PLEKHG4B: variants seen among roughly 807,000 people sequenced by gnomAD.
The protein encoded by PLEKHG4B is pleckstrin homology domain-containing family G member 4B.
A neutral mutation model predicts 121.3 loss-of-function variants in PLEKHG4B; 111 were observed. That is an observed-to-expected ratio of 0.92 (90% confidence interval 0.78 to 1.07). The LOEUF is 1.07. PLEKHG4B is among the 50% of genes least tolerant of loss of function. The pLI, the probability that PLEKHG4B is intolerant of heterozygous loss-of-function variation, is 0.00. For synonymous variants in PLEKHG4B, 738 were observed against 725.0 expected (o/e 1.02, Z -0.29); for missense variants, 1,831 against 1,757.8 (o/e 1.04, Z -0.74).
intron 2 of PLEKHG4B, among the ~76,000 whole-genome samples, chr5:135,577 A>T (rs1418836927): frequency 6.8e-6 from 1 of 147,570 alleles, no homozygotes; most frequent in Non-Finnish European, 1.5e-5. Context: ...GAGGCAGGAG[A>T]ATGGCATGAA....
At position 101,284 on chromosome 5, in the gene PLEKHG4B, G is replaced by T. The variant is rs527276337; in HGVS notation, c.45+9008G>T. Reference sequence around the variant, plus strand: ...CTGTTGTGAGGTAAATCCATATAAAGCCCTGGGAAAAGCCTGTAGGGGAGA... The same window carrying T: ...CTGTTGTGAGGTAAATCCATATAAATCCCTGGGAAAAGCCTGTAGGGGAGA... On this transcript the variant is annotated intron_variant, in intron 1 of 19. Transcript: ENST00000637938. Among the ~76,000 whole-genome samples the T allele has an allele frequency of 1.5e-4, 18 of 117,088 alleles. 1 individual carries two copies. The highest frequency in any genetic ancestry group is 2.3e-4 in the Non-Finnish European group (14 of 60,440). The allele number at this position is 117,088 out of a possible 152,430, so 76.8% of individuals were successfully genotyped here. A position where few individuals can be genotyped will look rare whatever the true frequency, so the allele number is the denominator to read the frequency against.
In PLEKHG4B at chr5:144,863, G is replaced by A; in HGVS notation, c.1848G>A (p.Val616=). The change falls in exon 6 of 20, where the codon GTG becomes GTA. Residue 616 remains valine (V), a synonymous_variant. Transcript: ENST00000637938. The stretch of plus-strand genomic sequence containing the variant: ...GGGACCTGGGGCTGGTTGTCCTGGT[G>A]GATGCACGCAGGAGTCCAGCTGCCC... The part of the protein sequence containing the change: ...EVRDLGLVVL[V]DARRSPAAPA... 6.2e-7 allele frequency: 1 copy of A among 1,613,426 alleles called. No homozygotes were observed. Among genetic ancestry groups the A allele is most frequent in the South Asian group, 1.1e-5 (1 of 91,072 alleles).
chr5:101,602 G>A (rs1443820241), intron 1 of PLEKHG4B, among the ~76,000 whole-genome samples: 7 of 130,978 alleles, frequency 5.3e-5, no homozygotes, highest in African/African-American at 2.2e-4. Flanking sequence ...TCCATATAAA[G>A]CCCTGGGAAA....
chr5:160,511 T>C (rs939973029), intron 11 of PLEKHG4B, among the ~76,000 whole-genome samples: 4 of 152,156 alleles, frequency 2.6e-5, no homozygotes, highest in African/African-American at 9.7e-5. Context: ...CAGCTGGACA[T>C]TCTCTTCACA....
At chr5:92,714 T>G (rs1733507559) in intron 1 of PLEKHG4B, among the ~76,000 whole-genome samples, 1 of 151,796 alleles carries the variant, frequency 6.6e-6, no homozygotes, top group African/African-American at 2.4e-5. Context: ...GCCCTCTCGG[T>G]GCCTGAAGGG....
At position 102,133 on chromosome 5, in the gene PLEKHG4B, C is replaced by T. The variant is rs554429064; in HGVS notation, c.45+9857C>T. Among the ~76,000 whole-genome samples, 5 of 150,620 alleles carry T rather than the reference C, an allele frequency of 3.3e-5. 1 individual carries two copies. The highest frequency in any genetic ancestry group is 9.9e-5 in the African/African-American group (4 of 40,230). Reference sequence around the variant, plus strand: ...TGTTGTGAGGTTAATCCATATAAAGCCCTGGAAAAAGCCTGTAGGGGAGAG... The same window carrying T: ...TGTTGTGAGGTTAATCCATATAAAGTCCTGGAAAAAGCCTGTAGGGGAGAG... On this transcript the variant is annotated intron_variant, in intron 1 of 19. Coordinates refer to ENST00000637938, the MANE Select transcript of PLEKHG4B (RefSeq NM_052909.5).
chr5:118,858 T>C (rs1734382672), intron 2 of PLEKHG4B, among the ~76,000 whole-genome samples: 1 of 147,058 alleles, frequency 6.8e-6, no homozygotes, highest in Admixed American at 6.8e-5. Flanking sequence ...CCTCCTTCTT[T>C]TTTTTTTTTT....
At chr5:150,804 C>G (rs1244908117) in intron 6 of PLEKHG4B, among the ~76,000 whole-genome samples, 2 of 152,194 alleles carry the variant, frequency 1.3e-5, no homozygotes, top group African/African-American at 4.8e-5. Context: ...TACAGCCACT[C>G]TGGAAAATAC....
chr5:138,922 G>A (rs1375951715), intron 2 of PLEKHG4B, among the ~76,000 whole-genome samples: 1 of 152,272 alleles, frequency 6.6e-6, no homozygotes, highest in African/African-American at 2.4e-5. Context: ...TGTAAATGGA[G>A]TGGGATCTCA....
chr5:174,116 G>C lies in PLEKHG4B; in HGVS notation c.4402+18G>C. On this transcript the variant is annotated intron_variant, in intron 18 of 19. Transcript: ENST00000637938. ...GAGCAGAGGTGGGAAGATGGGGGCC[G>C]CAGGGCCTGCCAGGCTCAGGGGCAC... The C allele has an allele frequency of 6.5e-7, 1 of 1,541,938 alleles. No homozygotes were observed. Among genetic ancestry groups the C allele is most frequent in the South Asian group, 1.2e-5 (1 of 84,010 alleles).
chr5:147,345 T>C (rs1312344877), intron 6 of PLEKHG4B, among the ~76,000 whole-genome samples: 1 of 152,166 alleles, frequency 6.6e-6, no homozygotes. Flanking sequence ...CACCACAGCA[T>C]GAGCATGAGC....
At chr5:102,276 G>A (rs1455405058) in intron 1 of PLEKHG4B, among the ~76,000 whole-genome samples, 1 of 151,922 alleles carries the variant, frequency 6.6e-6, no homozygotes, top group Non-Finnish European at 1.5e-5. Context: ...ACTCACATCA[G>A]TTTCTGTCAT....
At chr5:100,919 TG>T (rs1733787027) in intron 1 of PLEKHG4B, among the ~76,000 whole-genome samples, 1 of 103,006 alleles carries the variant, frequency 9.7e-6, no homozygotes, top group Non-Finnish European at 1.9e-5. Context: ...TATAAAGCCC[TG>T]GAAAAAGTCT....
chr5:132,767 C>G (rs1372161241), intron 2 of PLEKHG4B, among the ~76,000 whole-genome samples: 1 of 152,144 alleles, frequency 6.6e-6, no homozygotes, highest in African/African-American at 2.4e-5. Context: ...TATTTTTATA[C>G]CAGCACCATG....
At chr5:173,842 A>C in intron 17 of PLEKHG4B, 76 bp from the exon 18 acceptor site, 1 of 1,523,532 alleles carries the variant, frequency 6.6e-7, no homozygotes, top group Non-Finnish European at 8.9e-7. Context: ...GACCTCCAGC[A>C]CTGAGGAATT....
In PLEKHG4B at chr5:174,065, A is replaced by T. The variant is rs1158615552; in HGVS notation, c.4369A>T (p.Arg1457Trp). 1 of 1,579,548 alleles carries T rather than the reference A, an allele frequency of 6.3e-7. No homozygotes were observed. Among genetic ancestry groups the T allele is most frequent in the Non-Finnish European group, 8.6e-7 (1 of 1,161,372 alleles). ...GAGTGCATGGACCGATGTCATAGGGAGGATCCTGTGGCGGCAGGCACTAAA... is the reference window on the plus strand; with the variant it reads ...GAGTGCATGGACCGATGTCATAGGGTGGATCCTGTGGCGGCAGGCACTAAA... ...VKSAWTDVIG[R>W]ILWRQALKSR... Residue 1457 changes from arginine to tryptophan, a missense_variant, in exon 18 of 20, where the codon AGG (arginine) becomes TGG (tryptophan). By Grantham distance (101) the Arg-to-Trp change is moderately radical. Transcript: ENST00000637938.
At chr5:123,659 A>G (rs1255176737) in intron 2 of PLEKHG4B, among the ~76,000 whole-genome samples, 1 of 152,172 alleles carries the variant, frequency 6.6e-6, no homozygotes, top group African/African-American at 2.4e-5. Context: ...TACAGCTAAT[A>G]ATAATTTTTC....
At chr5:148,888 G>A (rs1011153653) in intron 6 of PLEKHG4B, among the ~76,000 whole-genome samples, 1 of 152,090 alleles carries the variant, frequency 6.6e-6, no homozygotes, top group African/African-American at 2.4e-5. Context: ...TAGAACAATG[G>A]AATAGAGTAG....
chr5:163,992 C>T (rs574828850), intron 13 of PLEKHG4B, among the ~76,000 whole-genome samples: 48 of 152,388 alleles, frequency 3.1e-4, no homozygotes, highest in African/African-American at 1.1e-3. Context: ...CTTGTCGAGC[C>T]TGCAAAGGAC....
Sources: gnomAD v4.1 joint callset for allele counts (sites outside exome capture counted in the v4.1 genomes callset) on GRCh38, gnomAD v4.1.1 for gene constraint, MANE v1.5 for transcripts, NCBI Gene and HGNC (gene_info 2026-07-23, HGNC 2026-07-21) for gene names.